PDE3B: variants seen among roughly 807,000 people sequenced by gnomAD.
PDE3B encodes cGMP-inhibited 3',5'-cyclic phosphodiesterase 3B.
In PDE3B, 66 loss-of-function variants were observed where a neutral mutation model predicts 116.8. The ratio of observed to expected loss-of-function variants is 0.56; its 90% CI spans 0.46 to 0.69. The LOEUF is 0.69. Ranked by LOEUF, PDE3B falls within the 30% of genes least tolerant of loss-of-function variation. The probability of loss-of-function intolerance (pLI) is 0.00; values close to 1 mark genes in which losing one functional copy is unlikely to be tolerated. For synonymous variants in PDE3B, 595 were observed against 533.6 expected, an observed-to-expected ratio of 1.12 and a Z score of -1.59; for missense variants, 1,384 against 1,368.1, an observed-to-expected ratio of 1.01 and a Z score of -0.18.
At chr11:14,855,763 G>C in intron 12 of PDE3B, among the ~76,000 whole-genome samples, 1 of 152,018 alleles carries the variant, frequency 6.6e-6, no homozygotes, top group Non-Finnish European at 1.5e-5. Flanking sequence ...AATGAGAGGA[G>C]ATAGGAAGTG....
At position 14,673,585 on chromosome 11, in the gene PDE3B, C is replaced by T. The variant is rs1224360343; in HGVS notation, c.978+28532C>T. On this transcript the variant is annotated intron_variant, in intron 1 of 15. Coordinates refer to ENST00000282096, the MANE Select transcript of PDE3B (RefSeq NM_000922.4). ...CATAAGTGAGTGAGAGCGCCTCTCA[C>T]ATGGCTCTCAGGACGGTTCTCAGGA... The T allele has an allele frequency of 5.2e-6, 3 of 574,014 alleles. No individual in the cohort carries two copies. In the African/African-American group the frequency reaches 5.6e-5, roughly 11 times the overall value. 35.6% of individuals were successfully genotyped at this position (574,014 alleles called of 1,614,324 possible).
intron 1 of PDE3B, among the ~76,000 whole-genome samples, chr11:14,768,728 C>G (rs1857560984): frequency 6.6e-6 from 1 of 151,458 alleles, no homozygotes; most frequent in Non-Finnish European, 1.5e-5. Context: ...GGGTTTTTCC[C>G]TGATCTGTTG....
Position 14,818,286 on chromosome 11 carries a change from T to C in PDE3B, c.1626T>C (p.Asp542=). 1.2e-6 allele frequency: 2 copies of C among 1,613,604 alleles called. No individual in the cohort carries two copies. Among genetic ancestry groups the C allele is most frequent in the Non-Finnish European group, 1.7e-6 (2 of 1,179,570 alleles). ...RSPIEFPDTA[D]FLNKPSVILQ... ...CCATAGAATTTCCTGATACTGCTGA[T>C]TTTCTTAATAAGCCAAGCGTTATCT... Residue 542 remains aspartate (D), a synonymous_variant, in exon 6 of 16, where the codon GAT becomes GAC. Coordinates refer to ENST00000282096, the MANE Select transcript of PDE3B (RefSeq NM_000922.4).
intron 1 of PDE3B, among the ~76,000 whole-genome samples, chr11:14,688,511 G>A (rs1419734979): frequency 6.6e-6 from 1 of 152,100 alleles, no homozygotes; most frequent in Non-Finnish European, 1.5e-5. Flanking sequence ...CTGAATGTGT[G>A]TGTACTCTGT....
rs545633525 is a variant in PDE3B, at chr11:14,790,205, T to G, written c.1415+963T>G. On this transcript the variant is annotated intron_variant, in intron 4 of 15. Coordinates refer to ENST00000282096, the MANE Select transcript of PDE3B (RefSeq NM_000922.4). ...GTATAATATATTCAAGCAGGTGAAC[T>G]CCTTTTTTGTAAAAGAAAAATTGAA... Among the ~76,000 whole-genome samples the G allele has an allele frequency of 1.8e-4, 28 of 152,084 alleles. No homozygotes were observed. In the South Asian group the frequency reaches 5.6e-3, roughly 30 times the overall value.
intron 2 of PDE3B, chr11:14,773,398 A>C (rs1008605804): frequency 1.6e-4 from 24 of 152,074 alleles, no homozygotes; most frequent in African/African-American, 5.1e-4. Context: ...TGTTTATGAG[A>C]GAGTGTTGGC....
intron 12 of PDE3B, among the ~76,000 whole-genome samples, chr11:14,850,046 T>C (rs1368574681): frequency 6.6e-6 from 1 of 152,140 alleles, no homozygotes; most frequent in Non-Finnish European, 1.5e-5. Flanking sequence ...CACGTATGTT[T>C]ATTGCGGCAT....
rs1271659542 is a variant in PDE3B, at chr11:14,717,592, C to T, written c.979-54345C>T. Among the ~76,000 whole-genome samples, 6 of 82,470 alleles carry T rather than the reference C, an allele frequency of 7.3e-5. 1 individual carries two copies. The South Asian group carries it at 1.4e-3, about 19-fold the overall frequency. The allele number at this position is 82,470 out of a possible 152,430, so 54.1% of individuals were successfully genotyped here. On this transcript the variant is annotated intron_variant, in intron 1 of 15. Coordinates refer to ENST00000282096, the MANE Select transcript of PDE3B (RefSeq NM_000922.4). Reference sequence around the variant, plus strand: ...ATCTCTCGGTAGAAACCCTACAAGCCAGAAGAGAGTGGGGGCCAATATTCA... The same window carrying T: ...ATCTCTCGGTAGAAACCCTACAAGCTAGAAGAGAGTGGGGGCCAATATTCA...
At chr11:14,861,979 TGTACTC>T (rs778521873) in intron 14 of PDE3B, among the ~76,000 whole-genome samples, 1 of 152,170 alleles carries the variant, frequency 6.6e-6, no homozygotes, top group Non-Finnish European at 1.5e-5. Flanking sequence ...TTACTGAAAT[TGTACTC>T]ATGCTCACTT....
intron 2 of PDE3B, among the ~76,000 whole-genome samples, chr11:14,781,663 A>G (rs927770223): frequency 1.3e-5 from 2 of 152,322 alleles, no homozygotes; most frequent in Non-Finnish European, 2.9e-5. Flanking sequence ...ATGTATCTCA[A>G]AATAATAAGA....
At chr11:14,795,294 G>C (rs977479329) in intron 4 of PDE3B, among the ~76,000 whole-genome samples, 4 of 152,128 alleles carry the variant, frequency 2.6e-5, no homozygotes, top group African/African-American at 9.7e-5. Context: ...AGATCCTCAG[G>C]AGTTTAGGAG....
At chr11:14,891,225 A>T in the PDE3B span, 1 of 983,822 alleles carries the variant, frequency 1.0e-6, no homozygotes, top group Admixed American at 6.2e-5. Flanking sequence ...CCGCAGAATG[A>T]GGAGGAGCGA....
downstream of PDE3B, among the ~76,000 whole-genome samples, chr11:14,875,786 TC>T (rs563488235): frequency 3.5e-4 from 54 of 152,252 alleles, no homozygotes; most frequent in South Asian, 6.4e-3. Flanking sequence ...AGAATTCACT[TC>T]CCCTGTGTAA....
At chr11:14,785,618 A>G (rs1858164419) in intron 2 of PDE3B, among the ~76,000 whole-genome samples, 1 of 152,116 alleles carries the variant, frequency 6.6e-6, no homozygotes, top group African/African-American at 2.4e-5. Flanking sequence ...ATTTATTTCT[A>G]TGGGTAATCG....
At chr11:14,805,721 A>G (rs1038675128) in intron 5 of PDE3B, among the ~76,000 whole-genome samples, 13 of 152,308 alleles carry the variant, frequency 8.5e-5, no homozygotes, top group African/African-American at 2.9e-4. Context: ...AGGCAGGGGG[A>G]AAATTATCCA....
chr11:14,800,244 A>C (rs1590155601), intron 4 of PDE3B, among the ~76,000 whole-genome samples: 1 of 151,838 alleles, frequency 6.6e-6, no homozygotes, highest in Non-Finnish European at 1.5e-5. Context: ...CTTTTGGCGG[A>C]TCACGAGGTC....
At chr11:14,650,685 G>T (rs1202027113) in intron 1 of PDE3B, among the ~76,000 whole-genome samples, 1 of 152,058 alleles carries the variant, frequency 6.6e-6, no homozygotes, top group African/African-American at 2.4e-5. Flanking sequence ...ATCCACCCTT[G>T]GGAGGCTGAG....
At chr11:14,846,526 T>A (rs915132464) in intron 12 of PDE3B, among the ~76,000 whole-genome samples, 180 of 152,296 alleles carry the variant, frequency 1.2e-3, no homozygotes, top group Non-Finnish European at 2.1e-3. Flanking sequence ...AATGCTCCAA[T>A]TAAAAGATAC....
At chr11:14,886,210 A>C in the PDE3B span, 1 of 386,816 alleles carries the variant, frequency 2.6e-6, no homozygotes, top group African/African-American at 2.0e-5. Context: ...GCCATTAAAC[A>C]GATAAAAGAC....
Sources: allele counts gnomAD v4.1 joint callset (sites outside exome capture counted in the v4.1 genomes callset), GRCh38; gene constraint gnomAD v4.1.1; transcripts MANE v1.5; gene names NCBI Gene and HGNC (gene_info 2026-07-23, HGNC 2026-07-21).